The following ADAMTS14 variants were observed in gnomAD, a reference collection of about 807,000 sequenced individuals.
The protein encoded by ADAMTS14 is ADAM metallopeptidase with thrombospondin type 1 motif 14, also known as A disintegrin and metalloproteinase with thrombospondin motifs 14.
In ADAMTS14, 100 loss-of-function variants were observed where a neutral mutation model predicts 128.6. The ratio of observed to expected loss-of-function variants is 0.78; its 90% confidence interval spans 0.66 to 0.92. The LOEUF (loss-of-function observed/expected upper bound fraction) is 0.92, where lower values mean the gene tolerates loss of function less well. ADAMTS14 is among the 40% of genes least tolerant of loss of function. The probability of loss-of-function intolerance (pLI) is 0.00; values close to 1 mark genes in which losing one functional copy is unlikely to be tolerated. For synonymous variants in ADAMTS14, 665 were observed against 653.8 expected, an observed-to-expected ratio of 1.02 and a Z score of -0.26; for missense variants, 1,562 against 1,658.6, an observed-to-expected ratio of 0.94 and a Z score of 1.01.
At chr10:70,704,958 A>G (rs1050804832) in intron 3 of ADAMTS14, among the ~76,000 whole-genome samples, 1 of 151,774 alleles carries the variant, frequency 6.6e-6, no homozygotes, top group Non-Finnish European at 1.5e-5. Context: ...CTATACACTC[A>G]TACACTCTCA....
At chr10:70,720,957 C>T (rs575980736) in intron 4 of ADAMTS14, among the ~76,000 whole-genome samples, 10 of 151,508 alleles carry the variant, frequency 6.6e-5, no homozygotes, top group African/African-American at 2.4e-4. Context: ...ACCAATGAAA[C>T]TCTGTTCATC....
chr10:70,748,371 G>T (rs12355358), intron 15 of ADAMTS14, among the ~76,000 whole-genome samples: 31,721 of 152,098 alleles, frequency 0.21, 4,062 homozygotes, highest in Non-Finnish European at 0.29. Context: ...CTGGCCTGAG[G>T]AGCTGCCCAG....
At position 70,672,675 on chromosome 10, in the gene ADAMTS14, G is replaced by C. The variant is rs954650722; in HGVS notation, c.-128G>C. 6.5e-6 allele frequency: 8 copies of C among 1,229,074 alleles called. No homozygotes were observed. The African/African-American group carries it at 1.3e-4, about 20-fold the overall frequency. 76.1% of individuals were successfully genotyped at this position (1,229,074 alleles called of 1,614,324 possible). On this transcript the variant is annotated 5_prime_UTR_variant, in exon 1 of 22. Coordinates refer to ENST00000373207, the MANE Select transcript of ADAMTS14 (RefSeq NM_080722.4). Reference sequence around the variant, plus strand: ...GGGAGGGAAGCAGCTAGGCGGGGAGGCGGCTGAGGCGGCAGCGGCGGCAGC... The same window carrying C: ...GGGAGGGAAGCAGCTAGGCGGGGAGCCGGCTGAGGCGGCAGCGGCGGCAGC...
At chr10:70,675,110 G>C in intron 2 of ADAMTS14, 115 bp downstream of exon 2, 1 of 1,292,922 alleles carries the variant, frequency 7.7e-7, no homozygotes, top group Non-Finnish European at 1.1e-6. Context: ...GGGTGGTGCT[G>C]CCTTCCAGAG....
At chr10:70,749,777 G>A in intron 15 of ADAMTS14, 45 bp from the exon 16 acceptor site, 3 of 1,600,346 alleles carry the variant, frequency 1.9e-6, no homozygotes, top group Non-Finnish European at 2.6e-6. Flanking sequence ...CGCCCCCTGT[G>A]GAGAGGAGCA....
intron 18 of ADAMTS14, among the ~76,000 whole-genome samples, chr10:70,753,032 C>A (rs1842393541): frequency 6.6e-6 from 1 of 152,258 alleles, no homozygotes; most frequent in Non-Finnish European, 1.5e-5. Context: ...ACAGAACATG[C>A]AGTTTAGCTC....
intron 4 of ADAMTS14, among the ~76,000 whole-genome samples, chr10:70,720,850 A>G (rs1388807532): frequency 6.6e-6 from 1 of 152,198 alleles, no homozygotes; most frequent in Non-Finnish European, 1.5e-5. Flanking sequence ...GTGTGCACAC[A>G]GACCAGTTCA....
At chr10:70,750,133 C>T (rs1222920073) in intron 16 of ADAMTS14, 148 bp downstream of exon 16, 5 of 1,062,704 alleles carry the variant, frequency 4.7e-6, no homozygotes, top group African/African-American at 1.6e-5. Context: ...GGGATTAGCT[C>T]CTCATTTGTG....
At chr10:70,685,381 C>T (rs1839924456) in intron 2 of ADAMTS14, among the ~76,000 whole-genome samples, 1 of 152,240 alleles carries the variant, frequency 6.6e-6, no homozygotes, top group African/African-American at 2.4e-5. Flanking sequence ...CACCAAGGAG[C>T]TCCCTGTCAA....
chr10:70,754,366 G>A (rs898577666), intron 19 of ADAMTS14, among the ~76,000 whole-genome samples: 11 of 152,218 alleles, frequency 7.2e-5, no homozygotes, highest in Admixed American at 1.3e-4. Context: ...ACCAGACAGA[G>A]CTGATTCTTG....
intron 2 of ADAMTS14, among the ~76,000 whole-genome samples, chr10:70,699,448 A>C (rs1423457160): frequency 6.6e-6 from 1 of 152,222 alleles, no homozygotes; most frequent in Non-Finnish European, 1.5e-5. Context: ...GTGTCCCTAC[A>C]CAGAATCTGT....
Position 70,672,526 on chromosome 10 carries a change from G to T in ADAMTS14, c.-277G>T, listed in dbSNP as rs1839511693. Among the ~76,000 whole-genome samples the T allele has an allele frequency of 6.6e-6, 1 of 150,582 alleles. No homozygotes were observed. Among genetic ancestry groups the T allele is most frequent in the Non-Finnish European group, 1.5e-5 (1 of 67,486 alleles). ...GCGTCACTGCGCGGGCGGGCTGACC[G>T]ACCAGCCGGCAGTTGGCACCGGGTG... On this transcript the variant is annotated 5_prime_UTR_variant, in exon 1 of 22. Transcript: ENST00000373207.
chr10:70,722,024 T>C (rs959039120), intron 4 of ADAMTS14, among the ~76,000 whole-genome samples: 1 of 152,174 alleles, frequency 6.6e-6, no homozygotes, highest in African/African-American at 2.4e-5. Flanking sequence ...CTCTGATAGT[T>C]TGTTACCTGA....
At chr10:70,676,915 A>G (rs1839662521) in intron 2 of ADAMTS14, among the ~76,000 whole-genome samples, 1 of 152,248 alleles carries the variant, frequency 6.6e-6, no homozygotes, top group African/African-American at 2.4e-5. Context: ...GGTAGGCTGT[A>G]AGCTCCTCAG....
chr10:70,700,778 G>A (rs767842028), intron 2 of ADAMTS14, among the ~76,000 whole-genome samples: 6 of 152,210 alleles, frequency 3.9e-5, no homozygotes, highest in Non-Finnish European at 8.8e-5. Context: ...CGGGCAGGAC[G>A]TTGGCAGCCC....
In ADAMTS14 at chr10:70,708,722, G is replaced by A; in HGVS notation, c.814G>A (p.Val272Ile). The A allele has an allele frequency of 2.5e-6, 4 of 1,612,960 alleles. No individual in the cohort carries two copies. The South Asian group carries it at 3.3e-5, about 13-fold the overall frequency. The change falls in exon 4 of 22, where the codon GTT (valine) becomes ATT (isoleucine). Residue 272 changes from valine (V) to isoleucine (I), a missense_variant. Physicochemically the swap from Val to Ile is conservative, Grantham distance 29. Transcript: ENST00000373207. ...GCTGCTGGTGGTGGACGACTCGGTG[G>A]TTCGCTTCCATGGCAAGGAGCATGT... ...EVLLVVDDSV[V>I]RFHGKEHVQN...
Position 70,741,173 on chromosome 10 carries a change from C to A in ADAMTS14, c.1924+11C>A. 6.2e-7 allele frequency: 1 copy of A among 1,610,430 alleles called. No individual in the cohort carries two copies. The highest frequency in any genetic ancestry group is 8.5e-7 in the Non-Finnish European group (1 of 1,177,960). ...ACGAGCCTGACGATGGTGAGTGGGC[C>A]CCACCCCCCTCCCACTCCATGTCCT... is the stretch of plus-strand genomic sequence containing the variant. On this transcript the variant is annotated intron_variant, in intron 12 of 21. Transcript: ENST00000373207.
intron 3 of ADAMTS14, among the ~76,000 whole-genome samples, 185 bp downstream of exon 3, chr10:70,702,653 G>T (rs1840533507): frequency 6.6e-6 from 1 of 152,190 alleles, no homozygotes; most frequent in African/African-American, 2.4e-5. Context: ...TGCTGTAATT[G>T]GCTGGAGCTA....
At chr10:70,702,988 A>T (rs1487276821) in intron 3 of ADAMTS14, among the ~76,000 whole-genome samples, 3 of 152,152 alleles carry the variant, frequency 2.0e-5, no homozygotes, top group Non-Finnish European at 2.9e-5. Context: ...CATTTTCCTC[A>T]TCAGTAAAGC....
Sources: allele counts gnomAD v4.1 joint callset (sites outside exome capture counted in the v4.1 genomes callset), GRCh38; gene constraint gnomAD v4.1.1; transcripts MANE v1.5; gene names NCBI Gene and HGNC (gene_info 2026-07-23, HGNC 2026-07-21).